BTNL9: variants seen among roughly 807,000 people sequenced by gnomAD.
BTNL9 encodes butyrophilin-like protein 9.
In BTNL9, 45 loss-of-function variants were observed where a neutral mutation model predicts 45.8. The observed-to-expected ratio is 0.98, with a 90% CI of 0.77 to 1.26. The LOEUF (loss-of-function observed/expected upper bound fraction) is 1.26. Ranked by LOEUF, BTNL9 falls within the 50% of genes most tolerant of loss-of-function variation. The pLI, the probability that BTNL9 is intolerant of heterozygous loss-of-function variation, is 0.00. For synonymous variants in BTNL9, 346 were observed against 330.8 expected (o/e 1.05, Z -0.50); for missense variants, 784 against 729.7 (o/e 1.07, Z -0.86).
In BTNL9 at chr5:181,055,898, G is replaced by A. The variant is rs865818596; in HGVS notation, c.929-91G>A. 2.0e-6 allele frequency: 3 copies of A among 1,486,178 alleles called. No individual in the cohort carries two copies. Among genetic ancestry groups the A allele is most frequent in the African/African-American group, 1.4e-5 (1 of 72,274 alleles). The allele number at this position is 1,486,178 out of a possible 1,614,324, so 92.1% of individuals were successfully genotyped here. A position where few individuals can be genotyped will look rare whatever the true frequency, so the allele number is the denominator to read the frequency against. The stretch of plus-strand genomic sequence containing the variant: ...GCTGGCTATGTGGGTGGTGGGGGGT[G>A]CGGGACAGGGTGGGTGCAAGATGTG... On this transcript the variant is annotated intron_variant, in intron 8 of 10. Transcript: ENST00000327705. The surrounding 1 kb of genome is among the most constrained non-coding windows in gnomAD (Gnocchi z 4.4).
chr5:181,059,576 C>T lies in BTNL9; in HGVS notation c.1322C>T (p.Thr441Ile). 1.9e-6 allele frequency: 3 copies of T among 1,612,616 alleles called. No individual in the cohort carries two copies. Among genetic ancestry groups the T allele is most frequent in the Non-Finnish European group, 2.5e-6 (3 of 1,179,802 alleles). ...FVLAPHRVAL[T>I]LRVPPRRLGV... ...CTGGCCCCGCACCGCGTCGCGCTCACCCTGCGCGTGCCCCCGCGGCGCCTG... is the reference window on the plus strand; with the variant it reads ...CTGGCCCCGCACCGCGTCGCGCTCATCCTGCGCGTGCCCCCGCGGCGCCTG... The change falls in exon 11 of 11, where the codon ACC (threonine) becomes ATC (isoleucine). Residue 441 changes from threonine (T) to isoleucine (I), a missense_variant. Thr to Ile is a moderately conservative substitution (Grantham distance 89). Transcript: ENST00000327705.
Position 181,055,099 on chromosome 5 carries a change from A to C in BTNL9, c.908-334A>C. 1 of 1,126,472 alleles carries C rather than the reference A, an allele frequency of 8.9e-7. No homozygotes were observed. The highest frequency in any genetic ancestry group is 1.1e-6 in the Non-Finnish European group (1 of 919,384). 69.8% of individuals were successfully genotyped at this position (1,126,472 alleles called of 1,614,324 possible). A position where few individuals can be genotyped will look rare whatever the true frequency, so the allele number is the denominator to read the frequency against. On this transcript the variant is annotated intron_variant, in intron 7 of 10. Transcript: ENST00000327705. The surrounding 1 kb of genome is among the most constrained non-coding windows in gnomAD (Gnocchi z 4.4). The stretch of plus-strand genomic sequence containing the variant: ...TAGGCGGCCCTCAGTGCCTGCACTT[A>C]GGCGGGAGCTCCGCCCCAGGAAGCT...
intron 3 of BTNL9, among the ~76,000 whole-genome samples, chr5:181,049,227 C>T (rs2113196957): frequency 6.6e-6 from 1 of 152,076 alleles, no homozygotes; most frequent in African/African-American, 2.4e-5. Flanking sequence ...TACTCCACCT[C>T]CGATACCTCC....
At position 181,053,618 on chromosome 5, in the gene BTNL9, AC is replaced by A. The variant is rs1277408842; in HGVS notation, c.886+119del. 1 of 1,546,284 alleles carries A rather than the reference AC, an allele frequency of 6.5e-7. No individual in the cohort carries two copies. Among genetic ancestry groups the A allele is most frequent in the Non-Finnish European group, 8.7e-7 (1 of 1,144,210 alleles). On this transcript the variant is annotated intron_variant, in intron 6 of 10. Coordinates refer to ENST00000327705, the MANE Select transcript of BTNL9 (RefSeq NM_152547.5). The surrounding 1 kb of genome is among the most constrained non-coding windows in gnomAD (Gnocchi z 6.5). ...TCCAGCGCGAGGTGTCAGGGCGGCC[AC>A]CGGGGAACGGGGATCGGTGACCCCG...
rs756656783 is a variant in BTNL9, at chr5:181,055,924, A to G, written c.929-65A>G. ...CGGGACAGGGTGGGTGCAAGATGTGATGTGTGAGCAGGGAAGCTTGGGGTC... is the reference window on the plus strand; with the variant it reads ...CGGGACAGGGTGGGTGCAAGATGTGGTGTGTGAGCAGGGAAGCTTGGGGTC... On this transcript the variant is annotated intron_variant, in intron 8 of 10. Transcript: ENST00000327705. This position sits in a 1 kb window ranked among gnomAD's most constrained non-coding sequence, Gnocchi z 4.4. 17 of 1,592,778 alleles carry G rather than the reference A, an allele frequency of 1.1e-5. No homozygotes were observed. The South Asian group carries it at 1.5e-4, about 14-fold the overall frequency.
chr5:181,059,362 C>G lies in BTNL9; in HGVS notation c.1108C>G (p.Gln370Glu). The G allele has an allele frequency of 6.5e-7, 1 of 1,539,676 alleles. No individual in the cohort carries two copies. The highest frequency in any genetic ancestry group is 8.7e-7 in the Non-Finnish European group (1 of 1,145,178). ...APGHPQRFSE[Q>E]TCALSLERFS... ...TGGCCACCCGCAGCGGTTCTCGGAG[C>G]AGACGTGCGCGCTGAGCCTGGAGCG... The change falls in exon 11 of 11, where the codon CAG (glutamine) becomes GAG (glutamate). Residue 370 changes from glutamine to glutamate, a missense_variant. Coordinates refer to ENST00000327705, the MANE Select transcript of BTNL9 (RefSeq NM_152547.5).
intron 4 of BTNL9, among the ~76,000 whole-genome samples, chr5:181,051,584 T>C: frequency 6.6e-6 from 1 of 152,186 alleles, no homozygotes; most frequent in East Asian, 1.9e-4. Context: ...GCATACAACT[T>C]GGAGCCACGC....
Position 181,059,424 on chromosome 5 carries a change from G to A in BTNL9, c.1170G>A (p.Val390=), listed in dbSNP as rs1762050847. The A allele has an allele frequency of 2.0e-6, 3 of 1,482,466 alleles. No individual in the cohort carries two copies. The highest frequency in any genetic ancestry group is 2.9e-5 in the African/African-American group (2 of 68,188). The allele number at this position is 1,482,466 out of a possible 1,614,324, so 91.8% of individuals were successfully genotyped here. A position where few individuals can be genotyped will look rare whatever the true frequency, so the allele number is the denominator to read the frequency against. Residue 390 remains valine (V), a synonymous_variant, in exon 11 of 11, where the codon GTG becomes GTA. Transcript: ENST00000327705. ...SAGRHYWEVH[V]GRRSRWFLGA... Reference sequence around the variant, plus strand: ...GCCGCCACTACTGGGAGGTGCACGTGGGCCGCCGCAGCCGCTGGTTCCTGG... The same window carrying A: ...GCCGCCACTACTGGGAGGTGCACGTAGGCCGCCGCAGCCGCTGGTTCCTGG...
chr5:181,054,936 T>C, intron 7 of BTNL9: 2 of 985,478 alleles, frequency 2.0e-6, no homozygotes, highest in Non-Finnish European at 1.2e-6. Context: ...GAGCTTGACA[T>C]TGGGTGGACA....
intron 2 of BTNL9, chr5:181,047,541 A>C: frequency 5.1e-6 from 5 of 978,086 alleles, no homozygotes; most frequent in South Asian, 4.6e-5. Context: ...CATTTATGCA[A>C]ATACGTATGT....
rs1761918468 is a variant in BTNL9, at chr5:181,057,016, G to C, written c.955+1001G>C. 1.9e-5 allele frequency: 3 copies of C among 154,332 alleles called. No homozygotes were observed. The South Asian group carries it at 6.1e-4, about 32-fold the overall frequency. 9.6% of individuals were successfully genotyped at this position (154,332 alleles called of 1,614,324 possible). On this transcript the variant is annotated intron_variant, in intron 9 of 10. Coordinates refer to ENST00000327705, the MANE Select transcript of BTNL9 (RefSeq NM_152547.5). ...ACAGGAATATTATATATCTGTGTGT[G>C]TGTGTGTGTGTGTGTGTGTGTGTGT...
At chr5:181,048,984 G>A (rs1013225671) in intron 3 of BTNL9, among the ~76,000 whole-genome samples, 3 of 146,580 alleles carry the variant, frequency 2.0e-5, no homozygotes, top group African/African-American at 7.5e-5. Context: ...CTCATAGTGA[G>A]AGAAAGGCAA....
chr5:181,059,689 T>C lies in BTNL9; in HGVS notation c.1435T>C (p.Ser479Pro), dbSNP rs764848070. Reference sequence around the variant, plus strand: ...CATCTTCACCTTCCACGACACCTTCTCGGGCGCGCTCTGTGCGTACTTCAG... The same window carrying C: ...CATCTTCACCTTCCACGACACCTTCCCGGGCGCGCTCTGTGCGTACTTCAG... Reference protein sequence around the residue: ...SHIFTFHDTFSGALCAYFRPR... With the variant: ...SHIFTFHDTFPGALCAYFRPR... Residue 479 changes from serine (S) to proline (P), a missense_variant, in exon 11 of 11, where the codon TCG becomes CCG. Coordinates refer to ENST00000327705, the MANE Select transcript of BTNL9 (RefSeq NM_152547.5). 5.6e-6 allele frequency: 9 copies of C among 1,613,674 alleles called. No homozygotes were observed. The South Asian group carries it at 9.9e-5, about 18-fold the overall frequency.
At position 181,042,321 on chromosome 5, in the gene BTNL9, T is replaced by A. The variant is rs1760817323; in HGVS notation, c.-24+1889T>A. On this transcript the variant is annotated intron_variant, in intron 1 of 10. Coordinates refer to ENST00000327705, the MANE Select transcript of BTNL9 (RefSeq NM_152547.5). This position sits in a 1 kb window ranked among gnomAD's most constrained non-coding sequence, Gnocchi z 4.5. The stretch of plus-strand genomic sequence containing the variant: ...CCTTGCGCACACTGGGTTTTCCTTC[T>A]TCCCCAAATATCCGACGCGTCCAGT... Among the ~76,000 whole-genome samples, 1 of 152,124 alleles carries A rather than the reference T, an allele frequency of 6.6e-6. No homozygotes were observed. The highest frequency in any genetic ancestry group is 2.1e-4 in the South Asian group (1 of 4,830).
Position 181,055,597 on chromosome 5 carries a change from G to C in BTNL9, c.928+144G>C. ...AGCCTGGCTAACACAGTGAAACCCC[G>C]TCTCTTCTAAAAATACAAAAAATTA... On this transcript the variant is annotated intron_variant, in intron 8 of 10. Transcript: ENST00000327705. The surrounding 1 kb of genome is among the most constrained non-coding windows in gnomAD (Gnocchi z 4.4). 1 of 975,296 alleles carries C rather than the reference G, an allele frequency of 1.0e-6. No individual in the cohort carries two copies. The highest frequency in any genetic ancestry group is 1.9e-5 in the Admixed American group (1 of 52,912). The allele number at this position is 975,296 out of a possible 1,614,324, so 60.4% of individuals were successfully genotyped here. A position where few individuals can be genotyped will look rare whatever the true frequency, so the allele number is the denominator to read the frequency against.
intron 9 of BTNL9, chr5:181,056,686 C>T (rs1582149079): frequency 2.8e-6 from 2 of 706,550 alleles, no homozygotes; most frequent in East Asian, 5.4e-5. Flanking sequence ...AGGGGGACTG[C>T]TGGCCCATGG....
At position 181,053,847 on chromosome 5, in the gene BTNL9, A is replaced by T. The variant is rs905550977; in HGVS notation, c.886+346A>T. On this transcript the variant is annotated intron_variant, in intron 6 of 10. Coordinates refer to ENST00000327705, the MANE Select transcript of BTNL9 (RefSeq NM_152547.5). The surrounding 1 kb of genome is among the most constrained non-coding windows in gnomAD (Gnocchi z 6.5). The stretch of plus-strand genomic sequence containing the variant: ...CCTCGTCCAGGTTTTCATAGCGCAC[A>T]GGGAGTCGGGCGGATGCGCAACATC... The T allele has an allele frequency of 1.7e-5, 25 of 1,507,324 alleles. No homozygotes were observed. Among genetic ancestry groups the T allele is most frequent in the Non-Finnish European group, 2.1e-5 (24 of 1,128,864 alleles). The allele number at this position is 1,507,324 out of a possible 1,614,324, so 93.4% of individuals were successfully genotyped here. A position where few individuals can be genotyped will look rare whatever the true frequency, so the allele number is the denominator to read the frequency against.
chr5:181,054,129 G>A, intron 6 of BTNL9, 110 bp from the exon 7 acceptor site: 1 of 1,566,210 alleles, frequency 6.4e-7, no homozygotes, highest in African/African-American at 1.4e-5. Flanking sequence ...GGGTGGGAGT[G>A]CCGCATCGGA....
chr5:181,053,668 A>G lies in BTNL9; in HGVS notation c.886+167A>G. The G allele has an allele frequency of 1.3e-6, 2 of 1,527,998 alleles. No homozygotes were observed. Among genetic ancestry groups the G allele is most frequent in the African/African-American group, 1.4e-5 (1 of 72,506 alleles). 94.7% of individuals were successfully genotyped at this position (1,527,998 alleles called of 1,614,324 possible). ...CGGTGGGGAAGGGGGAAGATCGTTC[A>G]TATGGACAAAAGCGGAGGTGCGGAA... On this transcript the variant is annotated intron_variant, in intron 6 of 10. Transcript: ENST00000327705. The surrounding 1 kb of genome is among the most constrained non-coding windows in gnomAD (Gnocchi z 6.5).
Sources: gnomAD v4.1 joint callset for allele counts (sites outside exome capture counted in the v4.1 genomes callset) on GRCh38, gnomAD v4.1.1 for gene constraint, Gnocchi (gnomAD v3.1) non-coding constraint, MANE v1.5 for transcripts, NCBI Gene and HGNC (gene_info 2026-07-23, HGNC 2026-07-21) for gene names.